Variants in BMP5 observed in about 807,000 individuals in gnomAD.
BMP5 encodes bone morphogenetic protein 5.
In BMP5, 23 loss-of-function variants were observed where a neutral mutation model predicts 46.6. The observed-to-expected ratio is 0.49, with a 90% CI of 0.35 to 0.70. The LOEUF is 0.70. BMP5 is among the 30% of genes least tolerant of loss of function. The pLI is 0.00. For missense variants in BMP5, 545 were observed against 565.6 expected (o/e 0.96, Z 0.37); for synonymous variants, 204 against 191.9 (o/e 1.06, Z -0.52).
chr6:55,773,313 A>T (rs1222339472), intron 4 of BMP5, among the ~76,000 whole-genome samples: 1 of 151,982 alleles, frequency 6.6e-6, no homozygotes, highest in African/African-American at 2.4e-5. Flanking sequence ...TTCATCTAAC[A>T]GCTTACTGTT....
At chr6:55,842,410 A>G (rs1460813009) in intron 1 of BMP5, among the ~76,000 whole-genome samples, 1 of 152,162 alleles carries the variant, frequency 6.6e-6, no homozygotes, top group Non-Finnish European at 1.5e-5. Flanking sequence ...CCTCTGTAGC[A>G]GCTACTCTCT....
intron 6 of BMP5, 99 bp downstream of exon 6, chr6:55,758,906 A>T: frequency 1.2e-6 from 1 of 854,108 alleles, no homozygotes; most frequent in South Asian, 1.4e-5. Context: ...AGAAGATAAA[A>T]TAATGCATTA....
Position 55,760,510 on chromosome 6 carries a change from G to A in BMP5, c.1051C>T (p.Gln351Ter). Residue 351 changes from glutamine to a stop codon, truncating the protein, a stop_gained, in exon 5 of 7, where the codon CAA becomes TAA. Coordinates refer to ENST00000370830, the MANE Select transcript of BMP5 (RefSeq NM_021073.4). LOFTEE classifies it high-confidence loss of function. ...VGDYNTSEQK[Q>*]ACKKHELYVS... ...TAGAGTTCGTGCTTCTTACAGGCTT[G>A]TTTTTGCTCACTTGTGTTATAATCT... 2 of 1,613,074 alleles carry A rather than the reference G, an allele frequency of 1.2e-6. No individual in the cohort carries two copies. The highest frequency in any genetic ancestry group is 1.7e-5 in the Admixed American group (1 of 59,922).
chr6:55,865,038 A>C (rs1562078050), intron 1 of BMP5, among the ~76,000 whole-genome samples: 1 of 152,182 alleles, frequency 6.6e-6, no homozygotes, highest in Non-Finnish European at 1.5e-5. Flanking sequence ...TCATAAATTC[A>C]GACATGATTT....
intron 2 of BMP5, 26 bp from the exon 3 acceptor site, chr6:55,794,453 A>T: frequency 6.2e-7 from 1 of 1,611,786 alleles, no homozygotes; most frequent in South Asian, 1.1e-5. Flanking sequence ...ACAACAAAAA[A>T]AGTTAAAGGT....
intron 1 of BMP5, among the ~76,000 whole-genome samples, chr6:55,861,709 C>T (rs546088814): frequency 3.3e-5 from 5 of 152,342 alleles, no homozygotes; most frequent in African/African-American, 9.6e-5. Context: ...TTATTACAGA[C>T]TTTCTTCTAA....
intron 3 of BMP5, among the ~76,000 whole-genome samples, chr6:55,775,153 T>C (rs1167683438): frequency 6.6e-6 from 1 of 151,694 alleles, no homozygotes; most frequent in African/African-American, 2.4e-5. Context: ...AATATAGGAG[T>C]GAGTTAAAAG....
intron 6 of BMP5, among the ~76,000 whole-genome samples, chr6:55,758,424 G>T (rs1476385812): frequency 2.6e-5 from 4 of 151,762 alleles, no homozygotes; most frequent in Non-Finnish European, 5.9e-5. Context: ...ATAAAAATAA[G>T]CCTAGATTAT....
chr6:55,777,249 C>A (rs1452461708), intron 3 of BMP5, among the ~76,000 whole-genome samples: 2 of 151,442 alleles, frequency 1.3e-5, no homozygotes, highest in Non-Finnish European at 2.9e-5. Flanking sequence ...TGAGAGAAAC[C>A]CAGACTACAC....
intron 4 of BMP5, among the ~76,000 whole-genome samples, chr6:55,765,052 A>T (rs1241674110): frequency 6.6e-6 from 1 of 152,298 alleles, no homozygotes; most frequent in East Asian, 1.9e-4. Context: ...ATCTATCAAA[A>T]TATCACATGT....
chr6:55,836,828 A>C (rs1410427208), intron 1 of BMP5, among the ~76,000 whole-genome samples: 1 of 152,122 alleles, frequency 6.6e-6, no homozygotes, highest in East Asian at 1.9e-4. Flanking sequence ...AAGTTCCTTG[A>C]ATCTATCTCA....
At chr6:55,845,604 C>T (rs890662059) in intron 1 of BMP5, among the ~76,000 whole-genome samples, 3 of 151,942 alleles carry the variant, frequency 2.0e-5, no homozygotes, top group Admixed American at 1.3e-4. Flanking sequence ...TAATATCCAA[C>T]ATATGGACCT....
intron 4 of BMP5, among the ~76,000 whole-genome samples, chr6:55,763,556 AGG>A (rs1251195157): frequency 6.6e-6 from 1 of 152,190 alleles, no homozygotes; most frequent in Non-Finnish European, 1.5e-5. Context: ...CGTAGGAGGA[AGG>A]GCAAGGAAGT....
At chr6:55,831,214 C>T (rs780582342) in intron 1 of BMP5, among the ~76,000 whole-genome samples, 1 of 152,010 alleles carries the variant, frequency 6.6e-6, no homozygotes, top group Non-Finnish European at 1.5e-5. Context: ...CAAGTTTCCA[C>T]AAAATAGCAA....
rs1337529888 is a variant in BMP5, at chr6:55,790,924, T to TATA, written c.832+3352_832+3354dup. Among the ~76,000 whole-genome samples the TATA allele has an allele frequency of 2.0e-5, 3 of 152,216 alleles. No individual in the cohort carries two copies. The East Asian group carries it at 5.8e-4, about 29-fold the overall frequency. On this transcript the variant is annotated intron_variant, in intron 3 of 6. Coordinates refer to ENST00000370830, the MANE Select transcript of BMP5 (RefSeq NM_021073.4). ...TTTGTTATTTCTAAAATTAGCTACC[T>TATA]ATATCTGTCTCTTAGGTGATATGCT...
chr6:55,868,973 A>G (rs764561741), intron 1 of BMP5, among the ~76,000 whole-genome samples: 3 of 152,234 alleles, frequency 2.0e-5, no homozygotes, highest in Non-Finnish European at 2.9e-5. Context: ...GGTGCAAAGA[A>G]GCACTCATAA....
chr6:55,774,065 T>G lies in BMP5; in HGVS notation c.1011A>C (p.Arg337Ser). The stretch of plus-strand genomic sequence containing the variant: ...TATTCTTACCTCCAACACTGGACAT[T>G]CTGGAGGAGTCCTGATGAGAGCTGG... ...NKSSSHQDSS[R>S]MSSVGDYNTS... The change falls in exon 4 of 7, where the codon AGA becomes AGC. Residue 337 changes from arginine to serine, a missense_variant. Arg to Ser is a moderately radical substitution (Grantham distance 110). Transcript: ENST00000370830. The G allele has an allele frequency of 6.2e-7, 1 of 1,612,658 alleles. No individual in the cohort carries two copies. The highest frequency in any genetic ancestry group is 8.5e-7 in the Non-Finnish European group (1 of 1,179,260).
intron 4 of BMP5, among the ~76,000 whole-genome samples, chr6:55,765,176 G>A (rs1199859852): frequency 6.6e-6 from 1 of 151,696 alleles, no homozygotes; most frequent in Non-Finnish European, 1.5e-5. Flanking sequence ...AATAAACATG[G>A]GATAGACTTG....
In BMP5 at chr6:55,846,101, C is replaced by T. The variant is rs1032137484; in HGVS notation, c.491-26254G>A. 5.3e-5 allele frequency among the ~76,000 whole-genome samples: 8 copies of T among 151,904 alleles called. No individual in the cohort carries two copies. In the South Asian group the frequency reaches 1.4e-3, roughly 27 times the overall value. ...GGCCCCACACAGTCTTTGAATGGCCCACTAGACTAAACTCCCATAAATATA... is the reference window on the plus strand; with the variant it reads ...GGCCCCACACAGTCTTTGAATGGCCTACTAGACTAAACTCCCATAAATATA... On this transcript the variant is annotated intron_variant, in intron 1 of 6. Transcript: ENST00000370830.
Sources: gnomAD v4.1 joint callset for allele counts (sites outside exome capture counted in the v4.1 genomes callset) on GRCh38, gnomAD v4.1.1 for gene constraint, MANE v1.5 for transcripts, NCBI Gene and HGNC (gene_info 2026-07-23, HGNC 2026-07-21) for gene names.